CRYBG1: variants seen among roughly 807,000 people sequenced by gnomAD.
CRYBG1 encodes the protein crystallin beta-gamma domain containing 1.
A neutral mutation model predicts 189.2 loss-of-function variants in CRYBG1; 139 were observed. That is an observed-to-expected ratio of 0.73 (90% CI 0.64 to 0.85). CRYBG1 has a LOEUF of 0.85. Among genes scored for constraint, CRYBG1 ranks in the 40% least tolerant of loss-of-function variants. The pLI, the probability that CRYBG1 is intolerant of heterozygous loss-of-function variation, is 0.00. For synonymous variants in CRYBG1, 1,023 were observed against 1,017.1 expected (o/e 1.01, Z -0.11); for missense variants, 2,611 against 2,675.8 (o/e 0.98, Z 0.53).
rs575318049 is a variant in CRYBG1, at chr6:106,516,812, C to CA, written c.1923-2318dup. Among the ~76,000 whole-genome samples the CA allele has an allele frequency of 7.2e-5, 11 of 152,274 alleles. No individual in the cohort carries two copies. The South Asian group carries it at 2.3e-3, about 32-fold the overall frequency. ...ACCTCACTTCAAACTGTGGCCCTGT[C>CA]ACTTATCAGCTGCATAACCTCAGGG... On this transcript the variant is annotated intron_variant, in intron 3 of 21. Transcript: ENST00000633556.
chr6:106,454,200 A>C (rs1222853994), intron 2 of CRYBG1, among the ~76,000 whole-genome samples: 2 of 151,938 alleles, frequency 1.3e-5, no homozygotes, highest in Non-Finnish European at 2.9e-5. Context: ...GGCTGTCTTA[A>C]TCTTTCTCAC....
chr6:106,496,422 C>T (rs1157396205), intron 2 of CRYBG1, among the ~76,000 whole-genome samples: 2 of 152,156 alleles, frequency 1.3e-5, no homozygotes, highest in Non-Finnish European at 2.9e-5. Context: ...ATCATCTTTA[C>T]ACTAAGGTAT....
chr6:106,363,957 G>T (rs1434245927), intron 1 of CRYBG1, among the ~76,000 whole-genome samples: 2 of 152,054 alleles, frequency 1.3e-5, no homozygotes, highest in Non-Finnish European at 2.9e-5. Context: ...CAAAGCAAAG[G>T]TCTAATGGAA....
chr6:106,401,412 T>C (rs1216586740), intron 1 of CRYBG1, among the ~76,000 whole-genome samples: 1 of 23,548 alleles, frequency 4.2e-5, no homozygotes. Flanking sequence ...TTTAATTTTC[T>C]TTTTTTATTA....
At chr6:106,442,176 A>C (rs1025760322) in intron 1 of CRYBG1, among the ~76,000 whole-genome samples, 1 of 152,236 alleles carries the variant, frequency 6.6e-6, no homozygotes, top group African/African-American at 2.4e-5. Flanking sequence ...AAAATGTTTG[A>C]TACAAGGAAG....
At position 106,519,725 on chromosome 6, in the gene CRYBG1, C is replaced by T; in HGVS notation, c.2517C>T (p.Pro839=). 1.2e-6 allele frequency: 2 copies of T among 1,614,184 alleles called. No homozygotes were observed. The highest frequency in any genetic ancestry group is 1.1e-5 in the South Asian group (1 of 91,076). Residue 839 remains proline, a synonymous_variant, in exon 4 of 22, where the codon CCC becomes CCT. Transcript: ENST00000633556. ...ENVTDTAQDI[P]TTVDTKDLPP... ...TAACCGATACAGCACAAGACATCCC[C>T]ACCACTGTGGATACCAAAGATTTAC... is the stretch of plus-strand genomic sequence containing the variant.
chr6:106,367,959 C>T (rs930163940), intron 1 of CRYBG1, among the ~76,000 whole-genome samples: 2 of 152,002 alleles, frequency 1.3e-5, no homozygotes, highest in Non-Finnish European at 2.9e-5. Flanking sequence ...CTAAAATAAT[C>T]GTAATAATAA....
At chr6:106,415,497 G>T (rs1420766803) in intron 1 of CRYBG1, among the ~76,000 whole-genome samples, 3 of 152,002 alleles carry the variant, frequency 2.0e-5, no homozygotes, top group Non-Finnish European at 4.4e-5. Flanking sequence ...GGCCGAGGCA[G>T]GCAGATCGCT....
At chr6:106,397,704 A>G (rs1770640286) in intron 1 of CRYBG1, among the ~76,000 whole-genome samples, 1 of 152,218 alleles carries the variant, frequency 6.6e-6, no homozygotes, top group Non-Finnish European at 1.5e-5. Context: ...AGCGGGGCAT[A>G]TCACCACTAA....
rs1199652110 is a variant in CRYBG1 at position 106,519,822 on chromosome 6, C to T, written c.2614C>T (p.Pro872Ser). ...GTCCCCTGCTGAGTCATCTCCTGGG[C>T]CTTCTCTTTCACTGTCTGCACCCGC... is the stretch of plus-strand genomic sequence containing the variant. Reference protein sequence around the residue: ...SQSPAESSPGPSLSLSAPAPG... With the variant: ...SQSPAESSPGSSLSLSAPAPG... The change falls in exon 4 of 22, where the codon CCT becomes TCT. Residue 872 changes from proline to serine, a missense_variant. By Grantham distance (74) the Pro-to-Ser change is moderately conservative. Transcript: ENST00000633556. 6.2e-7 allele frequency: 1 copy of T among 1,614,174 alleles called. No homozygotes were observed. Among genetic ancestry groups the T allele is most frequent in the South Asian group, 1.1e-5 (1 of 91,078 alleles).
intron 1 of CRYBG1, among the ~76,000 whole-genome samples, chr6:106,409,451 A>C (rs1770884794): frequency 1.3e-5 from 2 of 152,096 alleles, no homozygotes; most frequent in South Asian, 4.1e-4. Context: ...TACTTCCCAA[A>C]GTAATTTATA....
intron 2 of CRYBG1, among the ~76,000 whole-genome samples, chr6:106,507,272 G>T (rs76415007): frequency 6.6e-6 from 1 of 152,242 alleles, no homozygotes; most frequent in East Asian, 1.9e-4. Flanking sequence ...TCCTGTTGTG[G>T]ACTGCTCCGT....
chr6:106,482,411 T>G (rs894468958), intron 2 of CRYBG1, among the ~76,000 whole-genome samples: 5 of 125,548 alleles, frequency 4.0e-5, no homozygotes, highest in Admixed American at 9.0e-5. Flanking sequence ...TCCATCCTAT[T>G]CACAGGTCCT....
intron 2 of CRYBG1, among the ~76,000 whole-genome samples, chr6:106,477,369 G>T (rs963900721): frequency 2.0e-5 from 3 of 152,290 alleles, no homozygotes; most frequent in African/African-American, 2.4e-5. Flanking sequence ...TGGTTCTTAC[G>T]TTTGCTTTGT....
At chr6:106,524,835 A>G (rs1014029257) in intron 4 of CRYBG1, among the ~76,000 whole-genome samples, 8 of 152,162 alleles carry the variant, frequency 5.3e-5, no homozygotes, top group Non-Finnish European at 5.9e-5. Flanking sequence ...CTGAGTTCCT[A>G]TTCTGTGAAC....
intron 2 of CRYBG1, among the ~76,000 whole-genome samples, chr6:106,504,178 A>G (rs1457176795): frequency 1.3e-5 from 2 of 152,202 alleles, no homozygotes; most frequent in Non-Finnish European, 2.9e-5. Flanking sequence ...GACAAATATT[A>G]GAAGCAGCAT....
In CRYBG1 at chr6:106,516,338, A is replaced by G. The variant is rs568657061; in HGVS notation, c.1923-2793A>G. On this transcript the variant is annotated intron_variant, in intron 3 of 21. Transcript: ENST00000633556. ...AACCTCCACCTCCCAGGTTTAAGCA[A>G]TTCTCCTGCCTCAGCCTCCCAAGTA... Among the ~76,000 whole-genome samples, 17 of 152,072 alleles carry G rather than the reference A, an allele frequency of 1.1e-4. No individual in the cohort carries two copies. In the East Asian group the frequency reaches 3.3e-3, roughly 29 times the overall value.
chr6:106,542,072 G>A (rs1261387588), intron 10 of CRYBG1, among the ~76,000 whole-genome samples: 2 of 151,544 alleles, frequency 1.3e-5, no homozygotes, highest in African/African-American at 4.9e-5. Flanking sequence ...CACTACTTTA[G>A]AATCCTCTGG....
At chr6:106,528,689 A>G (rs2114552861) in intron 7 of CRYBG1, among the ~76,000 whole-genome samples, 1 of 152,162 alleles carries the variant, frequency 6.6e-6, no homozygotes, top group East Asian at 1.9e-4. Context: ...AAGATGGGGA[A>G]GGGAAACGAG....
Sources: gnomAD v4.1 joint callset for allele counts (sites outside exome capture counted in the v4.1 genomes callset) on GRCh38, gnomAD v4.1.1 for gene constraint, MANE v1.5 for transcripts, NCBI Gene and HGNC (gene_info 2026-07-23, HGNC 2026-07-21) for gene names.